MAP4K4: variants seen among roughly 807,000 people sequenced by gnomAD.
MAP4K4 encodes mitogen-activated protein kinase kinase kinase kinase 4.
In MAP4K4, 38 loss-of-function variants were observed where a neutral mutation model predicts 189.6. The ratio of observed to expected loss-of-function variants is 0.20; its 90% confidence interval spans 0.15 to 0.26. The LOEUF (loss-of-function observed/expected upper bound fraction) is 0.26, where lower values mean the gene tolerates loss of function less well. Ranked by LOEUF, MAP4K4 falls within the 10% of genes least tolerant of loss-of-function variation. MAP4K4 has a pLI of 1.00. For synonymous variants in MAP4K4, 610 were observed against 624.3 expected, an observed-to-expected ratio of 0.98 and a Z score of 0.34; for missense variants, 1,054 against 1,726.9, an observed-to-expected ratio of 0.61 and a Z score of 6.91.
chr2:101,839,772 T>A (rs1251570129), intron 9 of MAP4K4, 47 bp from the exon 10 acceptor site: 1 of 1,444,618 alleles, frequency 6.9e-7, no homozygotes, highest in South Asian at 1.4e-5. Context: ...ATTTTCGATC[T>A]TTACTCTTTG....
intron 21 of MAP4K4, among the ~76,000 whole-genome samples, chr2:101,868,566 G>C (rs958710032): frequency 7.9e-5 from 12 of 152,230 alleles, no homozygotes; most frequent in African/African-American, 2.7e-4. Context: ...GTGTGGAAGA[G>C]TAAAGGGAAA....
chr2:101,713,903 A>T (rs546696706), intron 2 of MAP4K4, among the ~76,000 whole-genome samples: 5 of 152,150 alleles, frequency 3.3e-5, no homozygotes, highest in East Asian at 1.9e-4. Context: ...CAAAAAAAAA[A>T]TTTTCTAATT....
intron 3 of MAP4K4, among the ~76,000 whole-genome samples, chr2:101,793,259 T>A (rs752754139): frequency 1.3e-5 from 2 of 152,234 alleles, no homozygotes; most frequent in Non-Finnish European, 2.9e-5. Flanking sequence ...TCCATGTTTC[T>A]TGTGTGCTGT....
chr2:101,783,869 G>A (rs530974792), intron 2 of MAP4K4, among the ~76,000 whole-genome samples: 1 of 152,306 alleles, frequency 6.6e-6, no homozygotes, highest in East Asian at 1.9e-4. Flanking sequence ...TGCAGTGTAT[G>A]ACAAGCTTCT....
At chr2:101,750,583 C>T (rs1436768799) in intron 2 of MAP4K4, among the ~76,000 whole-genome samples, 8 of 150,580 alleles carry the variant, frequency 5.3e-5, no homozygotes, top group East Asian at 2.0e-4. Context: ...GTGGGTGCAG[C>T]GCACCAACAT....
intron 2 of MAP4K4, among the ~76,000 whole-genome samples, chr2:101,713,194 C>T (rs1238702760): frequency 6.6e-6 from 1 of 152,102 alleles, no homozygotes; most frequent in African/African-American, 2.4e-5. Flanking sequence ...AGGTGTGAAC[C>T]ACTGCGCCTG....
intron 2 of MAP4K4, among the ~76,000 whole-genome samples, chr2:101,720,816 T>A (rs1027140314): frequency 4.6e-5 from 7 of 152,244 alleles, no homozygotes; most frequent in Non-Finnish European, 8.8e-5. Flanking sequence ...CTCTTGTAGG[T>A]CTTAATTTGG....
At chr2:101,833,012 A>G (rs1412716180) in intron 7 of MAP4K4, among the ~76,000 whole-genome samples, 1 of 152,182 alleles carries the variant, frequency 6.6e-6, no homozygotes, top group Non-Finnish European at 1.5e-5. Flanking sequence ...GCCTCACAGC[A>G]GGGGACATGC....
At position 101,816,272 on chromosome 2, in the gene MAP4K4, G is replaced by C. The variant is rs1352893628; in HGVS notation, c.181-7656G>C. Among the ~76,000 whole-genome samples, 109 of 152,276 alleles carry C rather than the reference G, an allele frequency of 7.2e-4. 1 individual carries two copies. The highest frequency in any genetic ancestry group is 1.9e-4 in the Non-Finnish European group (13 of 68,020). On this transcript the variant is annotated intron_variant, in intron 3 of 32. Transcript: ENST00000324219. ...TGTCCTTGATACTTTATTTTGGCCA[G>C]GAGCCAAAGTTCCCTTCATTCTTTT...
At chr2:101,830,994 G>A (rs1294903912) in intron 6 of MAP4K4, among the ~76,000 whole-genome samples, 1 of 152,132 alleles carries the variant, frequency 6.6e-6, no homozygotes, top group Non-Finnish European at 1.5e-5. Flanking sequence ...AGGCCTTTTT[G>A]CATGGGCTCC....
chr2:101,888,379 A>G (rs1273549525), intron 31 of MAP4K4, among the ~76,000 whole-genome samples: 1 of 152,206 alleles, frequency 6.6e-6, no homozygotes, highest in Non-Finnish European at 1.5e-5. Flanking sequence ...TTCAGTAATA[A>G]AGACCGATAT....
At chr2:101,823,930 T>A in exon 4 of MAP4K4, 1 of 1,598,432 alleles carries the variant, frequency 6.3e-7, no homozygotes, top group East Asian at 2.2e-5. Context: ...TTCATAAGGA[T>A]GAAGAGGAAG....
chr2:101,859,934 A>T, intron 15 of MAP4K4, 70 bp downstream of exon 15: 13 of 1,414,896 alleles, frequency 9.2e-6, no homozygotes, highest in Non-Finnish European at 1.3e-5. Flanking sequence ...GAACTGTGTC[A>T]TATGAGTTCT....
intron 2 of MAP4K4, among the ~76,000 whole-genome samples, chr2:101,708,539 C>G (rs1384867029): frequency 3.3e-5 from 5 of 152,122 alleles, no homozygotes; most frequent in African/African-American, 4.8e-5. Context: ...AATTACCATG[C>G]TGGCTGCTGC....
At chr2:101,741,883 G>A (rs1235953370) in intron 2 of MAP4K4, among the ~76,000 whole-genome samples, 1 of 152,212 alleles carries the variant, frequency 6.6e-6, no homozygotes, top group East Asian at 1.9e-4. Flanking sequence ...GGGGTTGTGA[G>A]AACTAAATAG....
At position 101,860,808 on chromosome 2, in the gene MAP4K4, C is replaced by A. The variant is rs1173890343; in HGVS notation, c.1705-17C>A. 1.3e-6 allele frequency: 2 copies of A among 1,595,024 alleles called. No homozygotes were observed. ...CCCTACTAACACTGAGTTATGTCTT[C>A]TAATTCTCTGATGCAGGTGGAAGAT... On this transcript the variant is annotated splice_polypyrimidine_tract_variant and intron_variant, in intron 15 of 32. Transcript: ENST00000324219.
chr2:101,831,655 T>C (rs556599417), intron 6 of MAP4K4, 66 bp from the exon 7 acceptor site: 2 of 1,519,412 alleles, frequency 1.3e-6, no homozygotes, highest in South Asian at 1.2e-5. Flanking sequence ...TTGTGTTTTT[T>C]CCCAAGTATA....
chr2:101,706,109 C>G (rs547598012), intron 2 of MAP4K4, among the ~76,000 whole-genome samples: 1 of 152,094 alleles, frequency 6.6e-6, no homozygotes, highest in South Asian at 2.1e-4. Flanking sequence ...GATACTAAAG[C>G]GCTCATACCA....
chr2:101,698,645 C>T lies in MAP4K4; in HGVS notation c.123+107C>T, dbSNP rs545405322. The stretch of plus-strand genomic sequence containing the variant: ...GCTGACTGGAGGCCACGCCGCTTGG[C>T]CAAAGTTGGGAGAGGGGTTTCTTTC... On this transcript the variant is annotated intron_variant, in intron 2 of 32. Coordinates refer to ENST00000324219, the Ensembl canonical transcript of MAP4K4. The T allele has an allele frequency of 3.4e-4, 359 of 1,050,868 alleles. No homozygotes were observed. In the African/African-American group the frequency reaches 5.3e-3, roughly 16 times the overall value. The allele number at this position is 1,050,868 out of a possible 1,614,324, so 65.1% of individuals were successfully genotyped here. A position where few individuals can be genotyped will look rare whatever the true frequency, so the allele number is the denominator to read the frequency against.
Sources: gnomAD v4.1 joint callset for allele counts (sites outside exome capture counted in the v4.1 genomes callset) on GRCh38, gnomAD v4.1.1 for gene constraint, MANE v1.5 for transcripts, NCBI Gene and HGNC (gene_info 2026-07-23, HGNC 2026-07-21) for gene names.